CACNA1C: variants seen among roughly 807,000 people sequenced by gnomAD.
CACNA1C encodes calcium voltage-gated channel subunit alpha1 C.
CACNA1C carries 30 observed loss-of-function variants against 229.0 expected under a neutral mutation model. The observed-to-expected ratio is 0.13, with a 90% CI of 0.10 to 0.18. The LOEUF (loss-of-function observed/expected upper bound fraction) is 0.18. Ranked by LOEUF, CACNA1C falls within the 10% of genes least tolerant of loss-of-function variation. CACNA1C has a pLI of 1.00. For synonymous variants in CACNA1C, 1,114 were observed against 1,132.5 expected, an observed-to-expected ratio of 0.98 and a Z score of 0.33; for missense variants, 1,658 against 2,845.0, an observed-to-expected ratio of 0.58 and a Z score of 9.49.
chr12:2,257,883 C>A (rs1416918489), intron 3 of CACNA1C, among the ~76,000 whole-genome samples: 2 of 152,194 alleles, frequency 1.3e-5, no homozygotes, highest in African/African-American at 2.4e-5. Context: ...TTAGGTTTAA[C>A]CTTAGGAAAT....
At chr12:2,011,807 G>T (rs1418013221) in intron 1 of CACNA1C, among the ~76,000 whole-genome samples, 1 of 152,198 alleles carries the variant, frequency 6.6e-6, no homozygotes, top group East Asian at 1.9e-4. Flanking sequence ...AGCTGTTGTT[G>T]TGGGGAGAAA....
chr12:2,089,165 C>T (rs1390932789), intron 1 of CACNA1C, among the ~76,000 whole-genome samples: 1 of 152,132 alleles, frequency 6.6e-6, no homozygotes, highest in Non-Finnish European at 1.5e-5. Context: ...AAAGGAGTGA[C>T]ATTGCATGAG....
intron 3 of CACNA1C, among the ~76,000 whole-genome samples, chr12:2,309,482 C>T (rs2095299089): frequency 6.6e-6 from 1 of 151,410 alleles, no homozygotes; most frequent in Admixed American, 6.6e-5. Flanking sequence ...TGACACCACA[C>T]ACACACACAT....
intron 9 of CACNA1C, among the ~76,000 whole-genome samples, chr12:2,537,499 T>C (rs988764612): frequency 2.6e-5 from 4 of 152,164 alleles, no homozygotes; most frequent in Non-Finnish European, 5.9e-5. Flanking sequence ...GATGTTGCTA[T>C]TGCACACTCT....
chr12:2,672,686 G>C (rs996382872), intron 38 of CACNA1C, among the ~76,000 whole-genome samples: 1 of 152,174 alleles, frequency 6.6e-6, no homozygotes, highest in Non-Finnish European at 1.5e-5. Context: ...ATTGGACTTA[G>C]GGCCCACCCT....
Position 2,067,866 on chromosome 12 carries a change from T to C in CACNA1C, c.49+14255T>C, listed in dbSNP as rs1594903413. The stretch of plus-strand genomic sequence containing the variant: ...TCCCACCCCTGTCTTTCCATGCCCT[T>C]CCATCCAAACCAAGCCCAGCTTCAC... On this transcript the variant is annotated intron_variant, in intron 1 of 46. Coordinates refer to ENST00000399655, the MANE Select transcript of CACNA1C (RefSeq NM_000719.7). This position sits in a 1 kb window ranked among gnomAD's most constrained non-coding sequence, Gnocchi z 5.3. Among the ~76,000 whole-genome samples the C allele has an allele frequency of 6.6e-6, 1 of 152,176 alleles. No individual in the cohort carries two copies. The highest frequency in any genetic ancestry group is 1.5e-5 in the Non-Finnish European group (1 of 68,024).
At chr12:2,102,691 C>A (rs1441076988) in intron 1 of CACNA1C, among the ~76,000 whole-genome samples, 1 of 152,074 alleles carries the variant, frequency 6.6e-6, no homozygotes, top group African/African-American at 2.4e-5. Context: ...CCCATCAACC[C>A]ATCATCTACA....
At chr12:2,596,111 A>G (rs2153365118) in intron 20 of CACNA1C, 108 bp downstream of exon 20, 1 of 1,112,568 alleles carries the variant, frequency 9.0e-7, no homozygotes, top group Non-Finnish European at 1.3e-6. Flanking sequence ...TCTAGGTGTC[A>G]TAATTAGATC....
intron 3 of CACNA1C, among the ~76,000 whole-genome samples, chr12:2,219,073 T>C (rs2060757547): frequency 6.6e-6 from 1 of 152,204 alleles, no homozygotes; most frequent in African/African-American, 2.4e-5. Flanking sequence ...TCAACAAATA[T>C]GTATCTGACT....
intron 1 of CACNA1C, among the ~76,000 whole-genome samples, chr12:2,013,141 G>A (rs2154484175): frequency 6.6e-6 from 1 of 152,256 alleles, no homozygotes; most frequent in Non-Finnish European, 1.5e-5. Context: ...TCTCCCTCTA[G>A]CTGTGTAAAC....
At chr12:2,476,365 C>G (rs1401796931) in intron 5 of CACNA1C, among the ~76,000 whole-genome samples, 2 of 152,252 alleles carry the variant, frequency 1.3e-5, no homozygotes, top group Non-Finnish European at 2.9e-5. Context: ...CTAACTCCAA[C>G]TCTGCCATTT....
At chr12:2,068,117 TC>T (rs1439255166) in intron 1 of CACNA1C, among the ~76,000 whole-genome samples, 2 of 152,200 alleles carry the variant, frequency 1.3e-5, no homozygotes, top group Non-Finnish European at 2.9e-5. Flanking sequence ...TGCCTTGATT[TC>T]CCTGTAATCA....
chr12:2,330,936 A>G (rs962801151), intron 3 of CACNA1C, among the ~76,000 whole-genome samples: 1 of 152,240 alleles, frequency 6.6e-6, no homozygotes, highest in East Asian at 1.9e-4. Context: ...AAACAGTGAA[A>G]GAAATTACAA....
rs190492744 is a variant in CACNA1C at position 2,247,050 on chromosome 12, G to T, written c.477+126620G>T. 3.9e-5 allele frequency among the ~76,000 whole-genome samples: 6 copies of T among 152,296 alleles called. No individual in the cohort carries two copies. The East Asian group carries it at 1.2e-3, about 29-fold the overall frequency. Reference sequence around the variant, plus strand: ...AAGCTAAGACTATAAAGTAAGAAAGGCTAAATCAGCTTCCTTCCTTCTTCC... The same window carrying T: ...AAGCTAAGACTATAAAGTAAGAAAGTCTAAATCAGCTTCCTTCCTTCTTCC... On this transcript the variant is annotated intron_variant, in intron 3 of 46. Transcript: ENST00000399655.
chr12:2,180,900 C>T (rs571324205), intron 3 of CACNA1C, among the ~76,000 whole-genome samples: 66 of 152,274 alleles, frequency 4.3e-4, no homozygotes, highest in African/African-American at 1.1e-3. Flanking sequence ...ACTGCAGCCA[C>T]GCATCCTGCC....
chr12:2,607,330 G>T, intron 26 of CACNA1C, 200 bp downstream of exon 26: 1 of 555,872 alleles, frequency 1.8e-6, no homozygotes, highest in East Asian at 3.0e-5. Flanking sequence ...TTCTCTAGAA[G>T]GTGTCAAGAA....
intron 3 of CACNA1C, among the ~76,000 whole-genome samples, chr12:2,206,274 G>A (rs1360994250): frequency 1.3e-5 from 2 of 152,320 alleles, no homozygotes; most frequent in East Asian, 3.9e-4. Context: ...CTTATGAAAT[G>A]TGGATTTGTA....
chr12:2,115,967 G>A (rs370245385), intron 2 of CACNA1C, among the ~76,000 whole-genome samples: 5 of 152,136 alleles, frequency 3.3e-5, no homozygotes, highest in South Asian at 2.1e-4. Context: ...GTGCCATGGC[G>A]CTGGATGCTT....
At chr12:2,062,857 G>A (rs1835161732) in intron 1 of CACNA1C, among the ~76,000 whole-genome samples, 1 of 152,166 alleles carries the variant, frequency 6.6e-6, no homozygotes, top group Non-Finnish European at 1.5e-5. Context: ...CGAGATTCCC[G>A]TGAGTCCCGG....
Sources: gnomAD v4.1 joint callset for allele counts (sites outside exome capture counted in the v4.1 genomes callset) on GRCh38, gnomAD v4.1.1 for gene constraint, Gnocchi (gnomAD v3.1) non-coding constraint, MANE v1.5 for transcripts, NCBI Gene and HGNC (gene_info 2026-07-23, HGNC 2026-07-21) for gene names.